The following PLOD2 variants were observed in gnomAD, a reference collection of about 807,000 sequenced individuals.
PLOD2 encodes the protein lysine hydroxylase 2.
In PLOD2, 65 loss-of-function variants were observed where a neutral mutation model predicts 101.0. The observed-to-expected ratio is 0.64, with a 90% confidence interval of 0.53 to 0.79. PLOD2 has a LOEUF of 0.79. Among genes scored for constraint, PLOD2 ranks in the 30% least tolerant of loss-of-function variants. PLOD2 has a pLI of 0.00. For synonymous variants in PLOD2, 314 were observed against 302.9 expected, an observed-to-expected ratio of 1.04 and a Z score of -0.38; for missense variants, 909 against 914.6, an observed-to-expected ratio of 0.99 and a Z score of 0.08.
intron 3 of PLOD2, among the ~76,000 whole-genome samples, chr3:146,112,395 G>C (rs1000515157): frequency 1.4e-4 from 22 of 152,036 alleles, no homozygotes; most frequent in South Asian, 4.1e-4. Context: ...AACTAACACA[G>C]AAACAGAAAA....
chr3:146,123,917 T>C (rs1007468384), intron 2 of PLOD2, among the ~76,000 whole-genome samples: 3 of 152,166 alleles, frequency 2.0e-5, no homozygotes, highest in African/African-American at 7.2e-5. Context: ...TAATGTGTAA[T>C]GATCAAATCA....
intron 1 of PLOD2, among the ~76,000 whole-genome samples, chr3:146,127,062 T>C (rs2030610415): frequency 6.6e-6 from 1 of 152,206 alleles, no homozygotes; most frequent in Non-Finnish European, 1.5e-5. Context: ...AGTCCCTCGT[T>C]CAGTTACTCA....
rs1195266269 is a variant in PLOD2, at chr3:146,069,798, T to C, written c.*919A>G. 6.6e-6 allele frequency: 1 copy of C among 152,130 alleles called. No individual in the cohort carries two copies. The highest frequency in any genetic ancestry group is 6.6e-5 in the Admixed American group (1 of 15,182). 9.4% of individuals were successfully genotyped at this position (152,130 alleles called of 1,614,324 possible). A position where few individuals can be genotyped will look rare whatever the true frequency, so the allele number is the denominator to read the frequency against. Reference sequence around the variant, plus strand: ...AGGCTCAACAACTTTGTTTTCCTGATATAAAATTCAAGTACTTAAAAAGTT... The same window carrying C: ...AGGCTCAACAACTTTGTTTTCCTGACATAAAATTCAAGTACTTAAAAAGTT... On this transcript the variant is annotated 3_prime_UTR_variant, in exon 20 of 20. Transcript: ENST00000282903.
intron 15 of PLOD2, among the ~76,000 whole-genome samples, chr3:146,075,487 T>TAAAA (rs35706246): frequency 0.37 from 34,282 of 92,542 alleles, 5,985 homozygotes; most frequent in East Asian, 0.47. Context: ...CTCAAATCTG[T>TAAAA]AAAAAAAAAA....
chr3:146,083,707 G>T (rs531094128), intron 11 of PLOD2, among the ~76,000 whole-genome samples: 2 of 149,498 alleles, frequency 1.3e-5, no homozygotes, highest in African/African-American at 4.9e-5. Flanking sequence ...TCAGCTTCCC[G>T]AGTAGCTGGG....
intron 3 of PLOD2, among the ~76,000 whole-genome samples, chr3:146,115,564 T>C (rs1441614118): frequency 1.3e-5 from 2 of 152,150 alleles, no homozygotes; most frequent in Non-Finnish European, 2.9e-5. Flanking sequence ...ACTTAATTTA[T>C]TTTGCATTCA....
At chr3:146,105,338 T>C (rs1937517944) in intron 5 of PLOD2, 1 of 152,174 alleles carries the variant, frequency 6.6e-6, no homozygotes, top group African/African-American at 2.4e-5. Flanking sequence ...TATCATCTCT[T>C]TGAATCTTCA....
In PLOD2 at chr3:146,076,959, G is replaced by A. The variant is rs950005358; in HGVS notation, c.1564-64C>T. On this transcript the variant is annotated intron_variant, in intron 14 of 19. Transcript: ENST00000282903. ...GGTACAAAAGTAAATTTAATCATAG[G>A]AAAAATATATAGAAGATATTAATTT... The A allele has an allele frequency of 5.2e-6, 7 of 1,343,220 alleles. No homozygotes were observed. In the East Asian group the frequency reaches 1.0e-4, roughly 19 times the overall value. The allele number at this position is 1,343,220 out of a possible 1,614,324, so 83.2% of individuals were successfully genotyped here.
At chr3:146,122,545 T>C (rs532323376) in intron 2 of PLOD2, among the ~76,000 whole-genome samples, 2 of 152,162 alleles carry the variant, frequency 1.3e-5, no homozygotes, top group Non-Finnish European at 2.9e-5. Context: ...ACTCCCAGGA[T>C]TTGTAATTCA....
intron 3 of PLOD2, among the ~76,000 whole-genome samples, chr3:146,114,009 C>G: frequency 6.6e-6 from 1 of 152,104 alleles, no homozygotes; most frequent in Middle Eastern, 3.2e-3. Context: ...CTGTCTTACA[C>G]GGTTGCAGAT....
intron 6 of PLOD2, 62 bp from the exon 7 acceptor site, chr3:146,102,914 CGT>C: frequency 1.2e-6 from 1 of 863,584 alleles, no homozygotes; most frequent in Non-Finnish European, 2.0e-6. Flanking sequence ...TGTCTGTATT[CGT>C]GTGTCTGTGT....
intron 7 of PLOD2, among the ~76,000 whole-genome samples, chr3:146,096,783 A>G (rs1303222737): frequency 4.5e-5 from 6 of 133,750 alleles, no homozygotes; most frequent in Admixed American, 7.3e-5. Context: ...CCAGCCAGCC[A>G]CCCCGTCCGG....
intron 4 of PLOD2, among the ~76,000 whole-genome samples, chr3:146,108,056 A>G (rs1335829626): frequency 6.6e-6 from 1 of 152,090 alleles, no homozygotes; most frequent in Non-Finnish European, 1.5e-5. Flanking sequence ...AATGGTTTAT[A>G]TTACTGTTCT....
At chr3:146,142,484 T>C (rs34392701) in intron 1 of PLOD2, among the ~76,000 whole-genome samples, 5,614 of 152,144 alleles carry the variant, frequency 0.037, 169 homozygotes, top group Non-Finnish European at 0.049. Flanking sequence ...CTAAGGGTGG[T>C]ACATAGAAAA....
chr3:146,108,499 A>T (rs1020478132), intron 4 of PLOD2, among the ~76,000 whole-genome samples: 7 of 152,228 alleles, frequency 4.6e-5, no homozygotes, highest in African/African-American at 1.7e-4. Flanking sequence ...TATTTTTAAA[A>T]ACTAAATAGT....
At chr3:146,131,776 G>A (rs1211509719) in intron 1 of PLOD2, among the ~76,000 whole-genome samples, 1 of 152,106 alleles carries the variant, frequency 6.6e-6, no homozygotes, top group East Asian at 1.9e-4. Context: ...GCTTTGTTAA[G>A]TACTGAGTCA....
intron 4 of PLOD2, 86 bp downstream of exon 4, chr3:146,110,199 T>C (rs1937603134): frequency 2.7e-6 from 3 of 1,128,154 alleles, no homozygotes; most frequent in South Asian, 1.2e-5. Flanking sequence ...TAAAACTTCA[T>C]ATCTAAAGTT....
chr3:146,079,744 A>C (rs1936467009), intron 12 of PLOD2, among the ~76,000 whole-genome samples: 1 of 151,980 alleles, frequency 6.6e-6, no homozygotes, highest in Non-Finnish European at 1.5e-5. Flanking sequence ...ATTTACACCA[A>C]ACAAATGGGC....
rs957781433 is a variant in PLOD2, at chr3:146,123,993, T to G, written c.201+145A>C. On this transcript the variant is annotated intron_variant, in intron 2 of 19. Transcript: ENST00000282903. The stretch of plus-strand genomic sequence containing the variant: ...ATTTCTTTGTGTTAGGAAATATTAA[T>G]AAAGCCAAAAACTACATGAACTAAC... The G allele has an allele frequency of 2.1e-5, 13 of 626,296 alleles. No individual in the cohort carries two copies. In the African/African-American group the frequency reaches 2.2e-4, roughly 11 times the overall value. 38.8% of individuals were successfully genotyped at this position (626,296 alleles called of 1,614,324 possible).
Sources: gnomAD v4.1 joint callset for allele counts (sites outside exome capture counted in the v4.1 genomes callset) on GRCh38, gnomAD v4.1.1 for gene constraint, MANE v1.5 for transcripts, NCBI Gene and HGNC (gene_info 2026-07-23, HGNC 2026-07-21) for gene names.